Variants in MAGI2 observed in about 807,000 individuals in gnomAD.
MAGI2 encodes the protein membrane associated guanylate kinase, WW and PDZ domain containing 2, also known as membrane-associated guanylate kinase, WW and PDZ domain-containing protein 2.
MAGI2 carries 35 observed loss-of-function variants against 133.3 expected under a neutral mutation model. That is an observed-to-expected ratio of 0.26 (90% CI 0.20 to 0.35). MAGI2 has a LOEUF of 0.35. Among genes scored for constraint, MAGI2 ranks in the 10% least tolerant of loss-of-function variants. The pLI is 1.00. For missense variants in MAGI2, 1,636 were observed against 1,863.4 expected (o/e 0.88, Z 2.25); for synonymous variants, 729 against 710.6 (o/e 1.03, Z -0.41).
At chr7:79,024,864 C>A (rs762184316) in intron 1 of MAGI2, among the ~76,000 whole-genome samples, 2 of 151,714 alleles carry the variant, frequency 1.3e-5, no homozygotes, top group African/African-American at 2.4e-5. Flanking sequence ...CACATGCTGG[C>A]GAGGTTGTGG....
intron 2 of MAGI2, among the ~76,000 whole-genome samples, chr7:78,876,548 C>A (rs972827593): frequency 1.3e-5 from 2 of 151,580 alleles, no homozygotes; most frequent in Non-Finnish European, 2.9e-5. Flanking sequence ...AGAATCGTGA[C>A]CAAGTTATAT....
At chr7:78,654,715 A>ATATATATATATATG (rs1811962678) in intron 2 of MAGI2, among the ~76,000 whole-genome samples, 1 of 16,694 alleles carries the variant, frequency 6.0e-5, no homozygotes, top group African/African-American at 2.1e-4. Flanking sequence ...ATATATATAT[A>ATATATATATATATG]TATATATATA....
chr7:79,422,082 G>A lies in MAGI2; in HGVS notation c.301+30938C>T, dbSNP rs373423553. ...TTGAAATAAAGTAGGCAGCCTGGCA[G>A]GACCAATCACACTAAAGAAAATGAC... On this transcript the variant is annotated intron_variant, in intron 1 of 21. Transcript: ENST00000354212. Among the ~76,000 whole-genome samples, 238 of 152,098 alleles carry A rather than the reference G, an allele frequency of 1.6e-3. 1 individual carries two copies. The highest frequency in any genetic ancestry group is 0.013 in the South Asian group (61 of 4,826).
Position 78,481,814 on chromosome 7 carries a change from G to C in MAGI2, c.1045+7947C>G, listed in dbSNP as rs115079910. ...AAAAAATAAAACTATACAATATTTA[G>C]AAAAAACATGAAAAAAAATTGGGAC... On this transcript the variant is annotated intron_variant, in intron 6 of 21. Coordinates refer to ENST00000354212, the MANE Select transcript of MAGI2 (RefSeq NM_012301.4). 9.6e-3 allele frequency among the ~76,000 whole-genome samples: 1,449 copies of C among 151,654 alleles called. 27 individuals are homozygous for C. The highest frequency in any genetic ancestry group is 0.033 in the African/African-American group (1,378 of 41,424).
chr7:78,591,287 G>C (rs1421250360), intron 3 of MAGI2, among the ~76,000 whole-genome samples: 1 of 152,182 alleles, frequency 6.6e-6, no homozygotes, highest in East Asian at 1.9e-4. Context: ...CATTGAGAAA[G>C]CCACAAGGGA....
intron 2 of MAGI2, among the ~76,000 whole-genome samples, chr7:78,906,364 G>C: frequency 6.6e-6 from 1 of 152,080 alleles, no homozygotes; most frequent in Non-Finnish European, 1.5e-5. Context: ...TTTGAAGATG[G>C]CTGAAACTTT....
chr7:78,727,021 G>T (rs952436380), intron 2 of MAGI2, among the ~76,000 whole-genome samples: 12 of 151,814 alleles, frequency 7.9e-5, no homozygotes, highest in Middle Eastern at 3.4e-3. Flanking sequence ...AGTGCACTTT[G>T]TATCAGCATT....
At chr7:78,772,716 TA>T (rs1433173636) in intron 2 of MAGI2, among the ~76,000 whole-genome samples, 3 of 152,196 alleles carry the variant, frequency 2.0e-5, no homozygotes, top group African/African-American at 7.2e-5. Flanking sequence ...TTTAAGCTTT[TA>T]AAATAAATTA....
intron 3 of MAGI2, among the ~76,000 whole-genome samples, chr7:78,549,571 C>A (rs1799161811): frequency 6.6e-6 from 1 of 152,102 alleles, no homozygotes; most frequent in Non-Finnish European, 1.5e-5. Flanking sequence ...ATGGAGTGCT[C>A]TCTTCCTCAT....
At chr7:78,916,917 T>C (rs1381733528) in intron 2 of MAGI2, among the ~76,000 whole-genome samples, 1 of 152,134 alleles carries the variant, frequency 6.6e-6, no homozygotes, top group Non-Finnish European at 1.5e-5. Flanking sequence ...ATGATGGGAA[T>C]GGTGTGGATG....
intron 9 of MAGI2, among the ~76,000 whole-genome samples, chr7:78,283,436 A>C (rs1309674223): frequency 6.6e-6 from 1 of 152,128 alleles, no homozygotes; most frequent in Non-Finnish European, 1.5e-5. Context: ...TCAGTCTGAT[A>C]TTGTGTCAAA....
At chr7:79,149,476 G>A (rs1011703425) in intron 1 of MAGI2, among the ~76,000 whole-genome samples, 11 of 152,164 alleles carry the variant, frequency 7.2e-5, no homozygotes, top group African/African-American at 1.2e-4. Context: ...GAACCACGCA[G>A]ATATGCAATG....
intron 1 of MAGI2, among the ~76,000 whole-genome samples, chr7:79,208,105 A>G (rs998920285): frequency 6.6e-6 from 1 of 151,958 alleles, no homozygotes; most frequent in Non-Finnish European, 1.5e-5. Flanking sequence ...ATAGAGGAAA[A>G]CTGCATGACA....
rs967718006 is a variant in MAGI2, at chr7:79,366,669, G to A, written c.301+86351C>T. Among the ~76,000 whole-genome samples the A allele has an allele frequency of 3.0e-4, 46 of 152,080 alleles. 1 individual carries two copies. Among genetic ancestry groups the A allele is most frequent in the Admixed American group, 3.0e-3 (46 of 15,276 alleles). ...CAAAATGTTATTATTGAAGGAAACT[G>A]GCAAATTAAACAAGGGGTCTCTGTA... On this transcript the variant is annotated intron_variant, in intron 1 of 21. Transcript: ENST00000354212.
chr7:79,439,484 G>C (rs1848362707), intron 1 of MAGI2, among the ~76,000 whole-genome samples: 2 of 151,986 alleles, frequency 1.3e-5, no homozygotes, highest in South Asian at 4.2e-4. Flanking sequence ...GCTTCTTCCT[G>C]TCCCTCCTAT....
chr7:79,089,505 G>A (rs2762067), intron 1 of MAGI2, among the ~76,000 whole-genome samples: 38 of 151,990 alleles, frequency 2.5e-4, no homozygotes, highest in African/African-American at 5.3e-4. Context: ...ACATGCACAC[G>A]TATCTTTATT....
rs113488957 is a variant in MAGI2 at position 78,456,096 on chromosome 7, C to A, written c.1045+33665G>T. Among the ~76,000 whole-genome samples the A allele has an allele frequency of 2.7e-3, 414 of 151,516 alleles. 2 individuals are homozygous for A. Among genetic ancestry groups the A allele is most frequent in the South Asian group, 7.9e-3 (38 of 4,804 alleles). ...ACTTTTTTTTTTTTCTACTCTTTGC[C>A]CTTTGAAGACAATGTCCATTCAAGG... is the stretch of plus-strand genomic sequence containing the variant. On this transcript the variant is annotated intron_variant, in intron 6 of 21. Coordinates refer to ENST00000354212, the MANE Select transcript of MAGI2 (RefSeq NM_012301.4).
At chr7:78,990,005 C>T (rs116372705) in intron 2 of MAGI2, among the ~76,000 whole-genome samples, 2,131 of 152,152 alleles carry the variant, frequency 0.014, 37 homozygotes, top group African/African-American at 0.046. Context: ...ACCAAGTGAA[C>T]TTAGATTAAT....
intron 10 of MAGI2, 90 bp from the exon 11 acceptor site, chr7:78,201,283 T>C (rs1410033533): frequency 8.3e-6 from 5 of 599,570 alleles, no homozygotes; most frequent in Non-Finnish European, 1.4e-5. Context: ...GTAATTGATT[T>C]TAAATTAGTT....
Sources: gnomAD v4.1 joint callset for allele counts (sites outside exome capture counted in the v4.1 genomes callset) on GRCh38, gnomAD v4.1.1 for gene constraint, MANE v1.5 for transcripts, NCBI Gene and HGNC (gene_info 2026-07-23, HGNC 2026-07-21) for gene names.